The following CPNE1 variants were observed in gnomAD, a reference collection of about 807,000 sequenced individuals.
CPNE1 encodes copine-1.
In CPNE1, 58 loss-of-function variants were observed where a neutral mutation model predicts 63.2. The ratio of observed to expected loss-of-function variants is 0.92; its 90% CI spans 0.74 to 1.14. The LOEUF (loss-of-function observed/expected upper bound fraction) is 1.14, where lower values mean the gene tolerates loss of function less well. CPNE1 is among the 50% of genes most tolerant of loss of function. CPNE1 has a pLI of 0.00. For missense variants in CPNE1, 672 were observed against 661.7 expected, an observed-to-expected ratio of 1.02 and a Z score of -0.17; for synonymous variants, 237 against 249.0, an observed-to-expected ratio of 0.95 and a Z score of 0.45.
At chr20:35,628,014 G>A (rs1755515812) in intron 13 of CPNE1, among the ~76,000 whole-genome samples, 1 of 152,090 alleles carries the variant, frequency 6.6e-6, no homozygotes, top group African/African-American at 2.4e-5. Flanking sequence ...GGGCGCAGTG[G>A]CTCAGGCCTG....
chr20:35,649,212 G>C (rs908666097), intron 1 of CPNE1: 1 of 152,160 alleles, frequency 6.6e-6, no homozygotes, highest in Non-Finnish European at 1.5e-5. Flanking sequence ...CAAAAGATTT[G>C]ACTAGCAGCA....
rs184456021 is a variant in CPNE1 at position 35,630,760 on chromosome 20, T to C, written c.1031A>G (p.Gln344Arg). 14 of 1,613,780 alleles carry C rather than the reference T, an allele frequency of 8.7e-6. No individual in the cohort carries two copies. Among genetic ancestry groups the C allele is most frequent in the Non-Finnish European group, 1.2e-5 (14 of 1,179,882 alleles). The change falls in exon 12 of 16, where the codon CAG (glutamine) becomes CGG (arginine). Residue 344 changes from glutamine to arginine, a missense_variant. Gln to Arg is a conservative substitution (Grantham distance 43). Coordinates refer to ENST00000397443, the MANE Select transcript of CPNE1 (RefSeq NM_152925.3). ...GCTCACCTGCCAGTCAGGGGGAACC[T>C]GGGCCCCAAATCCAAATGCAGGGAA... ...KLFPAFGFGAQVPPDWQVSHE... is the reference protein window; with the variant it reads ...KLFPAFGFGARVPPDWQVSHE...
chr20:35,632,028 G>A lies in CPNE1; in HGVS notation c.457-3C>T. On this transcript the variant is annotated splice_region_variant and splice_polypyrimidine_tract_variant and intron_variant, in intron 5 of 15. Transcript: ENST00000397443. ...GGATCTGATTTTCCCAGGAAGTCCT[G>A]CCAATGCGAGACCCCAGTTACAAGA... The A allele has an allele frequency of 6.2e-7, 1 of 1,613,922 alleles. No individual in the cohort carries two copies. The highest frequency in any genetic ancestry group is 8.5e-7 in the Non-Finnish European group (1 of 1,179,868).
At chr20:35,658,958 A>C (rs1454520357) in intron 1 of CPNE1, 1 of 717,238 alleles carries the variant, frequency 1.4e-6, no homozygotes, top group East Asian at 2.7e-5. Flanking sequence ...AATTTCCTTA[A>C]CAAGAAGTAG....
At chr20:35,664,669 T>A (rs568496557) in intron 1 of CPNE1, 91 bp downstream of exon 1, 1 of 152,532 alleles carries the variant, frequency 6.6e-6, no homozygotes, top group African/African-American at 2.4e-5. Flanking sequence ...TGCCGCGGGC[T>A]CGAAGGCCTC....
Position 35,632,103 on chromosome 20 carries a change from C to T in CPNE1, c.456+60G>A, listed in dbSNP as rs2032189886. ...CATCCCTCTGTCCACACCCCCATCC[C>T]CCATACACCATCCTTGGCCCCTTAA... On this transcript the variant is annotated intron_variant, in intron 5 of 15. Transcript: ENST00000397443. 5 of 1,601,854 alleles carry T rather than the reference C, an allele frequency of 3.1e-6. No homozygotes were observed. The Admixed American group carries it at 5.0e-5, about 16-fold the overall frequency.
In CPNE1 at chr20:35,626,393, A is replaced by C. The variant is rs747721876; in HGVS notation, c.1474-12T>G. 6 of 1,613,442 alleles carry C rather than the reference A, an allele frequency of 3.7e-6. No homozygotes were observed. The highest frequency in any genetic ancestry group is 5.1e-6 in the Non-Finnish European group (6 of 1,179,492). On this transcript the variant is annotated splice_polypyrimidine_tract_variant and intron_variant, in intron 15 of 15. Transcript: ENST00000397443. ...GCCTCCCGAGGGGCCTGCCAAGAAA[A>C]GGGAAAAGTCAGTGGTGGCCCAGAA...
intron 1 of CPNE1, among the ~76,000 whole-genome samples, chr20:35,640,169 A>G (rs2032725857): frequency 6.6e-6 from 1 of 152,192 alleles, no homozygotes; most frequent in African/African-American, 2.4e-5. Context: ...CCTTTGAGCA[A>G]CATTTCCTTT....
At chr20:35,632,444 C>T in intron 3 of CPNE1, 59 bp from the exon 4 acceptor site, 2 of 1,602,176 alleles carry the variant, frequency 1.2e-6, no homozygotes, top group Admixed American at 1.7e-5. Flanking sequence ...TCCTGCTTGC[C>T]CCCTACCTCC....
chr20:35,653,108 G>C (rs761609999), intron 1 of CPNE1: 1 of 1,613,706 alleles, frequency 6.2e-7, no homozygotes, highest in Non-Finnish European at 8.5e-7. Context: ...AATCCTGGAG[G>C]AGGGATTGGT....
chr20:35,655,315 A>G, intron 1 of CPNE1: 1 of 1,607,364 alleles, frequency 6.2e-7, no homozygotes, highest in Non-Finnish European at 8.5e-7. Flanking sequence ...ACGGATGACC[A>G]CAGCCATGCT....
At chr20:35,660,463 C>A (rs1273760703) in intron 1 of CPNE1, among the ~76,000 whole-genome samples, 1 of 152,180 alleles carries the variant, frequency 6.6e-6, no homozygotes, top group Non-Finnish European at 1.5e-5. Flanking sequence ...AAGTGATCCA[C>A]CCGCCTCAGC....
chr20:35,629,511 T>TA (rs2031980872), intron 13 of CPNE1, among the ~76,000 whole-genome samples: 3 of 152,108 alleles, frequency 2.0e-5, no homozygotes, highest in Non-Finnish European at 4.4e-5. Context: ...ATATAACAGA[T>TA]ACCATTTTTC....
At chr20:35,657,327 C>G (rs1490834609) in intron 1 of CPNE1, among the ~76,000 whole-genome samples, 1 of 152,186 alleles carries the variant, frequency 6.6e-6, no homozygotes, top group Non-Finnish European at 1.5e-5. Flanking sequence ...GTCATTAAAT[C>G]AAATTCACAT....
At chr20:35,635,434 CA>C (rs1432415824) in intron 1 of CPNE1, among the ~76,000 whole-genome samples, 3 of 152,112 alleles carry the variant, frequency 2.0e-5, no homozygotes, top group Non-Finnish European at 4.4e-5. Flanking sequence ...GCTCCCTGCC[CA>C]GCCAGCTCCA....
At chr20:35,653,866 G>A (rs150519373) in intron 1 of CPNE1, 5 of 1,614,028 alleles carry the variant, frequency 3.1e-6, no homozygotes, top group Non-Finnish European at 4.2e-6. Flanking sequence ...ACACAGAGCA[G>A]CCTTATAGTC....
At chr20:35,634,426 T>A (rs879707174) in intron 1 of CPNE1, among the ~76,000 whole-genome samples, 1 of 150,890 alleles carries the variant, frequency 6.6e-6, no homozygotes, top group Admixed American at 6.6e-5. Context: ...AAACCCTGTC[T>A]CTACTAAAAA....
At position 35,654,710 on chromosome 20, in the gene CPNE1, T is replaced by C. The variant is rs1206792380; in HGVS notation, c.-1+10050A>G. On this transcript the variant is annotated intron_variant, in intron 1 of 15. Coordinates refer to ENST00000397443, the MANE Select transcript of CPNE1 (RefSeq NM_152925.3). Reference sequence around the variant, plus strand: ...GGAGGAGGAACTGGAATTGGGGGAATGGATGGCATTGGTGGCAGAGATGGC... The same window carrying C: ...GGAGGAGGAACTGGAATTGGGGGAACGGATGGCATTGGTGGCAGAGATGGC... 3 of 1,613,594 alleles carry C rather than the reference T, an allele frequency of 1.9e-6. No individual in the cohort carries two copies. In the African/African-American group the frequency reaches 4.0e-5, roughly 22 times the overall value.
Position 35,626,302 on chromosome 20 carries a change from C to G in CPNE1, c.1553G>C (p.Trp518Ser), listed in dbSNP as rs1322425661. The part of the protein sequence containing the change: ...QLVSYFRAQG[W>S]APLKPLPPSA... ...GGGTGGAAGTGGCTTGAGCGGGGCCCAACCCTGGGCCCTGAAGTATGAGAC... is the reference window on the plus strand; with the variant it reads ...GGGTGGAAGTGGCTTGAGCGGGGCCGAACCCTGGGCCCTGAAGTATGAGAC... The change falls in exon 16 of 16, where the codon TGG becomes TCG. Residue 518 changes from tryptophan to serine, a missense_variant. Physicochemically the swap from Trp to Ser is radical, Grantham distance 177. Transcript: ENST00000397443. 1 of 1,614,000 alleles carries G rather than the reference C, an allele frequency of 6.2e-7. No homozygotes were observed. The highest frequency in any genetic ancestry group is 1.7e-5 in the Admixed American group (1 of 60,006).
Sources: gnomAD v4.1 joint callset for allele counts (sites outside exome capture counted in the v4.1 genomes callset) on GRCh38, gnomAD v4.1.1 for gene constraint, MANE v1.5 for transcripts, NCBI Gene and HGNC (gene_info 2026-07-23, HGNC 2026-07-21) for gene names.